EPHA4: variants seen among roughly 807,000 people sequenced by gnomAD.
The protein encoded by EPHA4 is EPH receptor A4.
EPHA4 carries 19 observed loss-of-function variants against 108.3 expected under a neutral mutation model. The observed-to-expected ratio is 0.18, with a 90% CI of 0.12 to 0.26. The LOEUF (loss-of-function observed/expected upper bound fraction) is 0.26. EPHA4 is among the 10% of genes least tolerant of loss of function. The pLI is 1.00. For missense variants in EPHA4, 917 were observed against 1,254.0 expected, an observed-to-expected ratio of 0.73 and a Z score of 4.06; for synonymous variants, 449 against 455.5, an observed-to-expected ratio of 0.99 and a Z score of 0.18.
In EPHA4 at chr2:221,422,940, C is replaced by A. The variant is rs182718736; in HGVS notation, c.*819+2269G>T. Among the ~76,000 whole-genome samples the A allele has an allele frequency of 3.9e-5, 6 of 152,224 alleles. No homozygotes were observed. In the East Asian group the frequency reaches 1.2e-3, roughly 29 times the overall value. ...CAGCATAACTTGAAAGGTCTACCACCATTGTATAAATATGTATTTACCTCC... is the reference window on the plus strand; with the variant it reads ...CAGCATAACTTGAAAGGTCTACCACAATTGTATAAATATGTATTTACCTCC... On this transcript the variant is annotated intron_variant, in intron 17 of 17. Transcript: ENST00000281821.
At chr2:221,431,542 A>G (rs542422110) in intron 14 of EPHA4, among the ~76,000 whole-genome samples, 2 of 152,334 alleles carry the variant, frequency 1.3e-5, no homozygotes, top group East Asian at 3.9e-4. Context: ...TTTGTAAAGC[A>G]GACTTCTCTA....
rs188630756 is a variant in EPHA4, at chr2:221,555,055, G to A, written c.823+8676C>T. ...AGCTGTCACTAAACAGACAAGCCAA[G>A]GGATTCACCAAGGCTGGGTTCCTTT... On this transcript the variant is annotated intron_variant, in intron 3 of 17. Coordinates refer to ENST00000281821, the MANE Select transcript of EPHA4 (RefSeq NM_004438.5). 1.4e-3 allele frequency among the ~76,000 whole-genome samples: 216 copies of A among 152,294 alleles called. 2 individuals carry two copies. The highest frequency in any genetic ancestry group is 3.4e-3 in the Middle Eastern group (1 of 294).
rs1559297245 is a variant in EPHA4 at position 221,566,924 on chromosome 2, AG to A, written c.159+1793del. On this transcript the variant is annotated intron_variant, in intron 2 of 17. Coordinates refer to ENST00000281821, the MANE Select transcript of EPHA4 (RefSeq NM_004438.5). ...AAGGAGAAGGAGAAGGAGAAGGAGA[AG>A]GAGAAGGAGAAGGAGAAGGAGAAGG... Among the ~76,000 whole-genome samples, 63 of 58,546 alleles carry A rather than the reference AG, an allele frequency of 1.1e-3. 17 individuals are homozygous for A. The highest frequency in any genetic ancestry group is 2.0e-3 in the African/African-American group (20 of 9,776). 38.4% of individuals were successfully genotyped at this position (58,546 alleles called of 152,430 possible). A position where few individuals can be genotyped will look rare whatever the true frequency, so the allele number is the denominator to read the frequency against.
intron 8 of EPHA4, among the ~76,000 whole-genome samples, chr2:221,454,096 C>T (rs1353481704): frequency 6.6e-6 from 1 of 152,060 alleles, no homozygotes; most frequent in Non-Finnish European, 1.5e-5. Flanking sequence ...AGGAGAATTG[C>T]TTGAACCCAG....
At chr2:221,456,547 T>TTTTAC in intron 7 of EPHA4, 66 bp downstream of exon 7, 1 of 1,531,888 alleles carries the variant, frequency 6.5e-7, no homozygotes, top group Admixed American at 1.8e-5. Context: ...GATTTCACTG[T>TTTTAC]AATGGGATTC....
rs139876379 is a variant in EPHA4, at chr2:221,520,740, G to T, written c.824-19568C>A. 3.6e-3 allele frequency among the ~76,000 whole-genome samples: 549 copies of T among 152,202 alleles called. 7 individuals carry two copies. Among genetic ancestry groups the T allele is most frequent in the African/African-American group, 0.013 (523 of 41,524 alleles). Reference sequence around the variant, plus strand: ...ATTTTTGAAAATTCATGTAATCTCTGATTTTGTTTTCTATGAGCTGGTGAC... The same window carrying T: ...ATTTTTGAAAATTCATGTAATCTCTTATTTTGTTTTCTATGAGCTGGTGAC... On this transcript the variant is annotated intron_variant, in intron 3 of 17. Coordinates refer to ENST00000281821, the MANE Select transcript of EPHA4 (RefSeq NM_004438.5).
rs566572573 is a variant in EPHA4, at chr2:221,438,516, G to A, written c.2075-1394C>T. On this transcript the variant is annotated intron_variant, in intron 11 of 17. Transcript: ENST00000281821. Reference sequence around the variant, plus strand: ...AAAAATATTCACACTGGCAGGGCACGGTGGCTCACACCTGCAATTCCAGCA... The same window carrying A: ...AAAAATATTCACACTGGCAGGGCACAGTGGCTCACACCTGCAATTCCAGCA... Among the ~76,000 whole-genome samples the A allele has an allele frequency of 8.5e-5, 13 of 152,134 alleles. No homozygotes were observed. In the East Asian group the frequency reaches 2.3e-3, roughly 27 times the overall value.
Position 221,546,443 on chromosome 2 carries a change from C to G in EPHA4, c.823+17288G>C, listed in dbSNP as rs185516506. On this transcript the variant is annotated intron_variant, in intron 3 of 17. Coordinates refer to ENST00000281821, the MANE Select transcript of EPHA4 (RefSeq NM_004438.5). ...TTTAATATTTATTATATACTTTTTT[C>G]TTTTTTATTTTTATCAGTTTTCTTT... Among the ~76,000 whole-genome samples the G allele has an allele frequency of 2.6e-5, 4 of 151,896 alleles. No individual in the cohort carries two copies. The East Asian group carries it at 7.7e-4, about 29-fold the overall frequency.
chr2:221,526,364 G>A (rs1427560155), intron 3 of EPHA4, among the ~76,000 whole-genome samples: 1 of 152,170 alleles, frequency 6.6e-6, no homozygotes, highest in Admixed American at 6.5e-5. Flanking sequence ...TGGCTAATAA[G>A]TGACAGTGTC....
chr2:221,488,786 G>C (rs1285839541), intron 4 of EPHA4, among the ~76,000 whole-genome samples: 2 of 151,834 alleles, frequency 1.3e-5, no homozygotes, highest in African/African-American at 4.8e-5. Flanking sequence ...CTCTTCTCTG[G>C]GGAAAAAAAC....
chr2:221,517,769 C>T (rs765778815), intron 3 of EPHA4, among the ~76,000 whole-genome samples: 9 of 152,192 alleles, frequency 5.9e-5, no homozygotes, highest in African/African-American at 9.7e-5. Context: ...CACCACTTCC[C>T]AGCTCAAGAA....
chr2:221,496,656 C>T (rs193178468), intron 4 of EPHA4, among the ~76,000 whole-genome samples: 13 of 152,278 alleles, frequency 8.5e-5, no homozygotes, highest in African/African-American at 2.9e-4. Flanking sequence ...GCCTGTAATC[C>T]CAGCACTTTG....
At chr2:221,484,687 T>G (rs1691931317) in intron 4 of EPHA4, among the ~76,000 whole-genome samples, 1 of 152,206 alleles carries the variant, frequency 6.6e-6, no homozygotes, top group African/African-American at 2.4e-5. Flanking sequence ...CATAGGATGT[T>G]AAAATCATTT....
In EPHA4 at chr2:221,566,928, GAAGGA is replaced by G. The variant is rs1228950693; in HGVS notation, c.159+1785_159+1789del. 9.7e-4 allele frequency among the ~76,000 whole-genome samples: 64 copies of G among 66,036 alleles called. 18 individuals are homozygous for G. Among genetic ancestry groups the G allele is most frequent in the African/African-American group, 1.8e-3 (21 of 11,454 alleles). 43.3% of individuals were successfully genotyped at this position (66,036 alleles called of 152,430 possible). On this transcript the variant is annotated intron_variant, in intron 2 of 17. Coordinates refer to ENST00000281821, the MANE Select transcript of EPHA4 (RefSeq NM_004438.5). ...AGAAGGAGAAGGAGAAGGAGAAGGA[GAAGGA>G]GAAGGAGAAGGAGAAGGAGAAGGGG...
At chr2:221,464,504 G>A (rs1177454345) in intron 5 of EPHA4, among the ~76,000 whole-genome samples, 2 of 152,126 alleles carry the variant, frequency 1.3e-5, no homozygotes, top group Non-Finnish European at 2.9e-5. Context: ...CATTCCAGAT[G>A]GAGAGAAGGA....
chr2:221,486,574 A>T (rs758247394), intron 4 of EPHA4, among the ~76,000 whole-genome samples: 2 of 151,762 alleles, frequency 1.3e-5, no homozygotes, highest in African/African-American at 2.4e-5. Flanking sequence ...CTAAAAATAC[A>T]TAAAAAAAAA....
chr2:221,464,036 A>G (rs1193236857), intron 5 of EPHA4, among the ~76,000 whole-genome samples: 1 of 152,168 alleles, frequency 6.6e-6, no homozygotes, highest in Non-Finnish European at 1.5e-5. Context: ...GCCTGTGGGC[A>G]AGGAGGAGTG....
upstream of EPHA4, chr2:221,573,607 G>T (rs573035092): frequency 6.6e-6 from 1 of 152,318 alleles, no homozygotes; most frequent in East Asian, 1.9e-4. The surrounding 1 kb of genome is among the most constrained non-coding windows in gnomAD (Gnocchi z 4.5). Flanking sequence ...TTTTCCTGGG[G>T]AGCCTGGGTC....
rs993849608 is a variant in EPHA4, at chr2:221,419,556, C to T, written c.*1816G>A. 1 of 152,616 alleles carries T rather than the reference C, an allele frequency of 6.6e-6. No homozygotes were observed. Among genetic ancestry groups the T allele is most frequent in the African/African-American group, 2.4e-5 (1 of 41,426 alleles). The allele number at this position is 152,616 out of a possible 1,614,324, so 9.5% of individuals were successfully genotyped here. On this transcript the variant is annotated 3_prime_UTR_variant, in exon 18 of 18. Coordinates refer to ENST00000281821, the MANE Select transcript of EPHA4 (RefSeq NM_004438.5). ...TCCATTTGGGGTTACCAGACACATT[C>T]CATCTCCTTCTCTCTCTCCATCAAG...
Sources: gnomAD v4.1 joint callset for allele counts (sites outside exome capture counted in the v4.1 genomes callset) on GRCh38, gnomAD v4.1.1 for gene constraint, Gnocchi (gnomAD v3.1) non-coding constraint, MANE v1.5 for transcripts, NCBI Gene and HGNC (gene_info 2026-07-23, HGNC 2026-07-21) for gene names.